MYO1D: variants seen among roughly 807,000 people sequenced by gnomAD.
MYO1D encodes the protein unconventional myosin-Id.
Under a neutral mutation model 122.0 loss-of-function variants are expected in MYO1D, and 83 were observed. The observed-to-expected ratio is 0.68, with a 90% CI of 0.57 to 0.82. The LOEUF is 0.82. Ranked by LOEUF, MYO1D falls within the 40% of genes least tolerant of loss-of-function variation. MYO1D has a pLI of 0.00. For missense variants in MYO1D, 1,157 were observed against 1,269.5 expected (o/e 0.91, Z 1.35); for synonymous variants, 464 against 446.9 (o/e 1.04, Z -0.48).
intron 21 of MYO1D, chr17:32,513,097 A>C (rs1342739679): frequency 6.6e-6 from 1 of 152,352 alleles, no homozygotes; most frequent in East Asian, 1.9e-4. Context: ...GGTAAGCTCC[A>C]TGGGAAGGGG....
At chr17:32,725,800 C>T (rs2089565109) in intron 14 of MYO1D, among the ~76,000 whole-genome samples, 1 of 151,890 alleles carries the variant, frequency 6.6e-6, no homozygotes, top group Admixed American at 6.6e-5. Context: ...AAAAAAAAAT[C>T]TACACCTAAG....
intron 1 of MYO1D, among the ~76,000 whole-genome samples, chr17:32,793,543 G>C (rs562578319): frequency 1.3e-5 from 2 of 152,208 alleles, no homozygotes; most frequent in South Asian, 4.1e-4. Context: ...TCTCCACATA[G>C]ACAGTTCTAA....
intron 1 of MYO1D, among the ~76,000 whole-genome samples, chr17:32,787,561 G>C (rs2090310477): frequency 6.6e-6 from 1 of 152,072 alleles, no homozygotes; most frequent in Non-Finnish European, 1.5e-5. Context: ...TGGGACTACA[G>C]GCGCCCACCA....
chr17:32,675,138 T>C (rs1290910177), intron 16 of MYO1D, among the ~76,000 whole-genome samples: 1 of 152,170 alleles, frequency 6.6e-6, no homozygotes, highest in Non-Finnish European at 1.5e-5. Context: ...AAAAAATATA[T>C]TGCTAAGGGA....
At chr17:32,523,119 A>G (rs1910216369) in intron 21 of MYO1D, among the ~76,000 whole-genome samples, 1 of 152,124 alleles carries the variant, frequency 6.6e-6, no homozygotes, top group East Asian at 1.9e-4. Context: ...CTGGCCCCCC[A>G]TGCCTCTTAG....
intron 21 of MYO1D, among the ~76,000 whole-genome samples, chr17:32,574,098 C>T (rs2087256564): frequency 6.6e-6 from 1 of 151,954 alleles, no homozygotes; most frequent in Non-Finnish European, 1.5e-5. Context: ...GTGATCCGTC[C>T]GCCTCAGCCT....
intron 14 of MYO1D, among the ~76,000 whole-genome samples, chr17:32,735,601 G>A (rs368413094): frequency 6.7e-6 from 1 of 148,760 alleles, no homozygotes; most frequent in Admixed American, 6.7e-5. Flanking sequence ...TAACATTTTT[G>A]TCTGCTTCAT....
At chr17:32,773,902 G>C (rs550877059) in intron 4 of MYO1D, among the ~76,000 whole-genome samples, 1 of 152,172 alleles carries the variant, frequency 6.6e-6, no homozygotes, top group African/African-American at 2.4e-5. Flanking sequence ...AATGCGACTT[G>C]TCCCATATCT....
intron 21 of MYO1D, among the ~76,000 whole-genome samples, chr17:32,596,539 T>C (rs1200375361): frequency 6.6e-6 from 1 of 152,232 alleles, no homozygotes; most frequent in Non-Finnish European, 1.5e-5. Context: ...GGTCTCCCCA[T>C]GGCTCTAAGT....
At chr17:32,642,798 T>G (rs186116411) in intron 19 of MYO1D, among the ~76,000 whole-genome samples, 84 of 152,356 alleles carry the variant, frequency 5.5e-4, no homozygotes, top group African/African-American at 1.9e-3. Flanking sequence ...TTGCTGAAGT[T>G]GCTTATCAGC....
At chr17:32,679,561 G>C (rs2088876187) in intron 16 of MYO1D, among the ~76,000 whole-genome samples, 1 of 152,150 alleles carries the variant, frequency 6.6e-6, no homozygotes, top group Non-Finnish European at 1.5e-5. Context: ...TCAAAGATCA[G>C]ATAGTTGTAG....
chr17:32,631,788 T>C (rs1379663414), intron 20 of MYO1D, among the ~76,000 whole-genome samples: 1 of 152,186 alleles, frequency 6.6e-6, no homozygotes, highest in African/African-American at 2.4e-5. Flanking sequence ...TCTTCGGAGA[T>C]GCACACGTGT....
At chr17:32,776,703 C>G (rs1598089823) in intron 3 of MYO1D, among the ~76,000 whole-genome samples, 1 of 152,152 alleles carries the variant, frequency 6.6e-6, no homozygotes, top group East Asian at 1.9e-4. Flanking sequence ...TAAATTTAAT[C>G]TTCACTAGTT....
chr17:32,629,263 G>A (rs2087970344), intron 20 of MYO1D, among the ~76,000 whole-genome samples: 1 of 150,566 alleles, frequency 6.6e-6, no homozygotes, highest in African/African-American at 2.5e-5. Context: ...AGGATCTTTA[G>A]AGCAGTGAAA....
intron 15 of MYO1D, 35 bp downstream of exon 15, chr17:32,720,988 A>T: frequency 6.3e-7 from 1 of 1,590,416 alleles, no homozygotes; most frequent in Non-Finnish European, 8.6e-7. Context: ...CCTTATTCTC[A>T]GTGAACTAGG....
intron 16 of MYO1D, among the ~76,000 whole-genome samples, chr17:32,692,615 T>C (rs1000519857): frequency 6.6e-6 from 1 of 152,170 alleles, no homozygotes; most frequent in Admixed American, 6.5e-5. Flanking sequence ...ATCTAATTAT[T>C]TTTAAAAGGA....
chr17:32,802,522 A>T (rs2090469520), intron 1 of MYO1D, among the ~76,000 whole-genome samples: 1 of 152,232 alleles, frequency 6.6e-6, no homozygotes, highest in Non-Finnish European at 1.5e-5. Context: ...ACAAAGATTA[A>T]TCACTTAGGG....
At chr17:32,564,994 G>T (rs2087159587) in intron 21 of MYO1D, among the ~76,000 whole-genome samples, 1 of 150,562 alleles carries the variant, frequency 6.6e-6, no homozygotes, top group Admixed American at 6.7e-5. Context: ...TCATTATAAA[G>T]AAAAAGAAAA....
chr17:32,681,363 T>G (rs1321743691), intron 16 of MYO1D, among the ~76,000 whole-genome samples: 3 of 140,680 alleles, frequency 2.1e-5, no homozygotes, highest in African/African-American at 8.0e-5. Context: ...ATTTTGGATC[T>G]TTCCTGCTTT....
Sources: allele counts gnomAD v4.1 joint callset (sites outside exome capture counted in the v4.1 genomes callset), GRCh38; gene constraint gnomAD v4.1.1; transcripts MANE v1.5; gene names NCBI Gene and HGNC (gene_info 2026-07-23, HGNC 2026-07-21).